The following ATAD3A variants were observed in gnomAD, a reference collection of about 807,000 sequenced individuals.
ATAD3A encodes the protein ATPase family AAA domain containing 3A, also known as ATPase family AAA domain-containing protein 3A.
In ATAD3A, 46 loss-of-function variants were observed where a neutral mutation model predicts 73.8. The observed-to-expected ratio is 0.62, with a 90% CI of 0.49 to 0.80. ATAD3A has a LOEUF of 0.80. ATAD3A is among the 30% of genes least tolerant of loss of function. ATAD3A has a pLI of 0.00. For synonymous variants in ATAD3A, 319 were observed against 350.0 expected (o/e 0.91, Z 0.99); for missense variants, 705 against 838.0 (o/e 0.84, Z 1.96).
intron 2 of ATAD3A, chr1:1,517,000 T>G: frequency 7.6e-7 from 1 of 1,323,714 alleles, no homozygotes; most frequent in Non-Finnish European, 1.0e-6. Flanking sequence ...GCGAGAGCCG[T>G]CGCACCCGGT....
At position 1,523,640 on chromosome 1, in the gene ATAD3A, C is replaced by G. The variant is rs547102192; in HGVS notation, c.963+73C>G. On this transcript the variant is annotated intron_variant, in intron 9 of 15. Coordinates refer to ENST00000378756, the MANE Select transcript of ATAD3A (RefSeq NM_001170535.3). This position sits in a 1 kb window ranked among gnomAD's most constrained non-coding sequence, Gnocchi z 5.1. ...GAGCTGGGCCGGGCTGTGGCCCTTG[C>G]TGGCGCTCGTGGTGGCACCCAGGAG... 1 of 1,605,954 alleles carries G rather than the reference C, an allele frequency of 6.2e-7. No homozygotes were observed. The highest frequency in any genetic ancestry group is 1.3e-5 in the African/African-American group (1 of 74,646).
chr1:1,516,151 G>A, intron 2 of ATAD3A, 63 bp downstream of exon 2: 1 of 1,607,644 alleles, frequency 6.2e-7, no homozygotes, highest in Non-Finnish European at 8.5e-7. Flanking sequence ...ATGGAGATTG[G>A]TAGGGCTACT....
intron 5 of ATAD3A, among the ~76,000 whole-genome samples, chr1:1,519,818 C>T (rs1367276404): frequency 2.6e-5 from 4 of 152,186 alleles, no homozygotes; most frequent in South Asian, 4.1e-4. Context: ...GCCTCTGGGT[C>T]GGATTTCTGC....
At chr1:1,533,887 C>G (rs1238318948) in intron 15 of ATAD3A, 39 bp from the exon 16 acceptor site, 2 of 1,601,750 alleles carry the variant, frequency 1.2e-6, no homozygotes, top group Admixed American at 3.4e-5. Context: ...GTGGGGGGTT[C>G]CCATGGCGGC....
Position 1,520,547 on chromosome 1 carries a change from G to A in ATAD3A, c.681-1G>A, listed in dbSNP as rs1350847020. 6.2e-7 allele frequency: 1 copy of A among 1,614,064 alleles called. No individual in the cohort carries two copies. The highest frequency in any genetic ancestry group is 1.3e-5 in the African/African-American group (1 of 75,080). On this transcript the variant is annotated splice_acceptor_variant, in intron 6 of 15. Coordinates refer to ENST00000378756, the MANE Select transcript of ATAD3A (RefSeq NM_001170535.3). LOFTEE classifies it high-confidence loss of function. The surrounding 1 kb of genome is among the most constrained non-coding windows in gnomAD (Gnocchi z 4.0). Reference sequence around the variant, plus strand: ...TGGTCACACCACTGCTTTCCCCGCAGGACGGCTGGCACCTTGTTTGGGGAA... The same window carrying A: ...TGGTCACACCACTGCTTTCCCCGCAAGACGGCTGGCACCTTGTTTGGGGAA...
intron 12 of ATAD3A, among the ~76,000 whole-genome samples, chr1:1,525,652 G>A (rs1344037692): frequency 6.6e-6 from 1 of 152,154 alleles, no homozygotes; most frequent in Non-Finnish European, 1.5e-5. Flanking sequence ...CTGACCTCGT[G>A]ATCCTCCCGC....
In ATAD3A at chr1:1,534,061, TCCC is replaced by T. The variant is rs774830440; in HGVS notation, c.1752_1754del (p.Pro585del). Reference sequence around the variant, plus strand: ...AGGGCCTGGGCGTGGGGACGAGCCCTCCCCATCCTGAGTCCACAGGGAGATCCA... The same window carrying T: ...AGGGCCTGGGCGTGGGGACGAGCCCTCATCCTGAGTCCACAGGGAGATCCA... On this transcript the variant is annotated inframe_deletion, in exon 16 of 16. Transcript: ENST00000378756. 2.4e-4 allele frequency: 394 copies of T among 1,613,362 alleles called. 1 individual carries two copies. Among genetic ancestry groups the T allele is most frequent in the Admixed American group, 1.8e-4 (11 of 60,000 alleles).
In ATAD3A at chr1:1,527,845, G is replaced by A. The variant is rs377483917; in HGVS notation, c.1488G>A (p.Pro496=). The change falls in exon 14 of 16, where the codon CCG becomes CCA. Residue 496 remains proline (P), a synonymous_variant. Coordinates refer to ENST00000378756, the MANE Select transcript of ATAD3A (RefSeq NM_001170535.3). ...RMYFDKYVLK[P]ATEGKQRLKL... ...ATTTTGACAAGTATGTTCTTAAGCC[G>A]GCCACAGAAGGAAAGCAGTAAGTGT... The A allele has an allele frequency of 4.8e-5, 78 of 1,613,148 alleles. No homozygotes were observed. Among genetic ancestry groups the A allele is most frequent in the Non-Finnish European group, 5.9e-5 (70 of 1,179,616 alleles).
chr1:1,517,191 C>T, intron 2 of ATAD3A, 120 bp from the exon 3 acceptor site: 1 of 1,546,874 alleles, frequency 6.5e-7, no homozygotes, highest in Non-Finnish European at 8.7e-7. Context: ...CCTGAGCCTG[C>T]TGCACACACT....
At chr1:1,526,664 G>T in intron 13 of ATAD3A, 133 bp downstream of exon 13, 1 of 1,535,062 alleles carries the variant, frequency 6.5e-7, no homozygotes, top group Non-Finnish European at 8.8e-7. Flanking sequence ...TGCCCACCTC[G>T]GATGTCCCCT....
intron 3 of ATAD3A, 141 bp downstream of exon 3, chr1:1,517,553 A>G (rs1388304112): frequency 1.1e-5 from 9 of 800,398 alleles, no homozygotes; most frequent in Non-Finnish European, 1.7e-5. Flanking sequence ...ACAAACGCCT[A>G]AGACCTGTAA....
At chr1:1,526,575 C>G (rs763057102) in intron 13 of ATAD3A, 44 bp downstream of exon 13, 3 of 1,611,334 alleles carry the variant, frequency 1.9e-6, no homozygotes, top group East Asian at 4.5e-5. Context: ...CAGGGCTGTG[C>G]AGCCGTCGCC....
Position 1,512,311 on chromosome 1 carries a change from G to A in ATAD3A, c.43G>A (p.Gly15Ser). 1 of 1,252,546 alleles carries A rather than the reference G, an allele frequency of 8.0e-7. No homozygotes were observed. Among genetic ancestry groups the A allele is most frequent in the African/African-American group, 1.6e-5 (1 of 64,440 alleles). 77.6% of individuals were successfully genotyped at this position (1,252,546 alleles called of 1,614,324 possible). A position where few individuals can be genotyped will look rare whatever the true frequency, so the allele number is the denominator to read the frequency against. ...CATTAACAAGGGCCCCAAGGGTGAA[G>A]GCGCGGGGCCGCCGCCGCCTTTGCC... is the stretch of plus-strand genomic sequence containing the variant. ...FGINKGPKGE[G>S]AGPPPPLPPA... Residue 15 changes from glycine to serine, a missense_variant, in exon 1 of 16, where the codon GGC (glycine) becomes AGC (serine). Gly to Ser is a moderately conservative substitution (Grantham distance 56). This residue lies in a region of ATAD3A where 125 missense variants were observed against 170.6 expected (regional missense o/e 0.73). Transcript: ENST00000378756.
chr1:1,523,695 A>G lies in ATAD3A; in HGVS notation c.963+128A>G. Reference sequence around the variant, plus strand: ...TGGGTCCTGAGATGCGACTGCTTGGACCGTGCTGGGGATAGATAGGCTGCC... The same window carrying G: ...TGGGTCCTGAGATGCGACTGCTTGGGCCGTGCTGGGGATAGATAGGCTGCC... On this transcript the variant is annotated intron_variant, in intron 9 of 15. Coordinates refer to ENST00000378756, the MANE Select transcript of ATAD3A (RefSeq NM_001170535.3). This position sits in a 1 kb window ranked among gnomAD's most constrained non-coding sequence, Gnocchi z 5.1. 1.3e-6 allele frequency: 2 copies of G among 1,590,038 alleles called. No individual in the cohort carries two copies. The highest frequency in any genetic ancestry group is 1.3e-5 in the African/African-American group (1 of 74,254).
Position 1,523,797 on chromosome 1 carries a change from G to A in ATAD3A, c.964-42G>A, listed in dbSNP as rs761246436. ...CAGCCCCTTCCCCTGAGGCTTCCAT[G>A]GGTGCACAGTGTCTCCTCCAAACCC... On this transcript the variant is annotated intron_variant, in intron 9 of 15. Transcript: ENST00000378756. This position sits in a 1 kb window ranked among gnomAD's most constrained non-coding sequence, Gnocchi z 5.1. 5.0e-6 allele frequency: 8 copies of A among 1,613,120 alleles called. No individual in the cohort carries two copies. In the African/African-American group the frequency reaches 1.1e-4, roughly 22 times the overall value.
In ATAD3A at chr1:1,518,952, A is replaced by C; in HGVS notation, c.476A>C (p.Gln159Pro). ...CTCAATGAGGAGAATTTACGGAAGC[A>C]GGAGGAGTCCGTGCAGAAGCAGGAA... ...QLLNEENLRKQEESVQKQEAM... is the reference protein window; with the variant it reads ...QLLNEENLRKPEESVQKQEAM... Residue 159 changes from glutamine (Q) to proline (P), a missense_variant, in exon 5 of 16, where the codon CAG (glutamine) becomes CCG (proline). Around this residue, in one of 5 missense-constraint regions of ATAD3A, gnomAD observed 315 missense variants for 334.1 expected, o/e 0.94. Coordinates refer to ENST00000378756, the MANE Select transcript of ATAD3A (RefSeq NM_001170535.3). 1 of 1,614,170 alleles carries C rather than the reference A, an allele frequency of 6.2e-7. No homozygotes were observed. Among genetic ancestry groups the C allele is most frequent in the Non-Finnish European group, 8.5e-7 (1 of 1,179,996 alleles).
At chr1:1,533,338 G>C (rs556652467) in intron 15 of ATAD3A, among the ~76,000 whole-genome samples, 2 of 152,212 alleles carry the variant, frequency 1.3e-5, no homozygotes, top group Non-Finnish European at 2.9e-5. Flanking sequence ...AGAGTGACCC[G>C]TTCATTGCAG....
At chr1:1,518,819 C>T (rs1641481356) in intron 4 of ATAD3A, 102 bp from the exon 5 acceptor site, 1 of 1,602,710 alleles carries the variant, frequency 6.2e-7, no homozygotes, top group Non-Finnish European at 8.5e-7. Flanking sequence ...CGCAAACGGG[C>T]ACACTCACCC....
Position 1,534,225 on chromosome 1 carries a change from G to T in ATAD3A, c.*153G>T. On this transcript the variant is annotated 3_prime_UTR_variant, in exon 16 of 16. Transcript: ENST00000378756. ...CCAGGATGTCTTGTGGTGCGGGTCG[G>T]CCGTTCTGCCCCCCAGGGCACCCCC... 1 of 1,503,420 alleles carries T rather than the reference G, an allele frequency of 6.7e-7. No individual in the cohort carries two copies. Among genetic ancestry groups the T allele is most frequent in the Non-Finnish European group, 8.9e-7 (1 of 1,128,696 alleles). The allele number at this position is 1,503,420 out of a possible 1,614,324, so 93.1% of individuals were successfully genotyped here.
Sources: gnomAD v4.1 joint callset for allele counts (sites outside exome capture counted in the v4.1 genomes callset) on GRCh38, gnomAD v4.1.1 for gene constraint, gnomAD v4.1.1 regional missense constraint, Gnocchi (gnomAD v3.1) non-coding constraint, MANE v1.5 for transcripts, NCBI Gene and HGNC (gene_info 2026-07-23, HGNC 2026-07-21) for gene names.